The following ANXA13 variants were observed in gnomAD, a reference collection of about 807,000 sequenced individuals.
The protein encoded by ANXA13 is annexin XIII.
Under a neutral mutation model 46.6 loss-of-function variants are expected in ANXA13, and 36 were observed. The ratio of observed to expected loss-of-function variants is 0.77; its 90% confidence interval spans 0.59 to 1.02. The LOEUF is 1.02. ANXA13 is among the 50% of genes least tolerant of loss of function. The pLI is 0.00. For synonymous variants in ANXA13, 163 were observed against 152.9 expected, an observed-to-expected ratio of 1.07 and a Z score of -0.49; for missense variants, 417 against 396.5, an observed-to-expected ratio of 1.05 and a Z score of -0.44.
intron 3 of ANXA13, among the ~76,000 whole-genome samples, chr8:123,700,672 A>G (rs1813428085): frequency 6.6e-6 from 1 of 152,302 alleles, no homozygotes; most frequent in South Asian, 2.1e-4. Context: ...TAAAGACTAA[A>G]GATTAAGAAG....
At chr8:123,733,578 T>C (rs1814168191) in intron 1 of ANXA13, among the ~76,000 whole-genome samples, 1 of 152,244 alleles carries the variant, frequency 6.6e-6, no homozygotes, top group African/African-American at 2.4e-5. Context: ...AGTCATAAAC[T>C]TGGCATGTTC....
At chr8:123,696,870 G>A (rs1039630156) in intron 4 of ANXA13, among the ~76,000 whole-genome samples, 4 of 152,212 alleles carry the variant, frequency 2.6e-5, no homozygotes, top group South Asian at 2.1e-4. Flanking sequence ...AAACTAGGCT[G>A]AGGGAGAAAA....
chr8:123,712,419 G>T, intron 2 of ANXA13: 1 of 518,058 alleles, frequency 1.9e-6, no homozygotes, highest in Non-Finnish European at 3.5e-6. Context: ...CACTTCTCAT[G>T]AAGTTTCTCT....
intron 4 of ANXA13, among the ~76,000 whole-genome samples, 181 bp from the exon 5 acceptor site, chr8:123,695,902 G>A (rs531884277): frequency 5.4e-4 from 72 of 132,184 alleles, no homozygotes; most frequent in Non-Finnish European, 9.8e-4. Flanking sequence ...AGATGTGACG[G>A]CCCGCCCCCC....
chr8:123,695,985 G>T (rs192115718), intron 4 of ANXA13, among the ~76,000 whole-genome samples: 267 of 140,988 alleles, frequency 1.9e-3, no homozygotes, highest in African/African-American at 6.8e-3. Context: ...TTCTTTAAAT[G>T]TGAGAAGTTT....
intron 2 of ANXA13, among the ~76,000 whole-genome samples, chr8:123,704,361 G>A (rs1473876193): frequency 6.6e-6 from 1 of 152,092 alleles, no homozygotes; most frequent in Non-Finnish European, 1.5e-5. Context: ...CTCGGTTCCT[G>A]CATGTACCTG....
chr8:123,700,730 TTC>T (rs929582957), intron 3 of ANXA13, among the ~76,000 whole-genome samples: 7 of 152,042 alleles, frequency 4.6e-5, no homozygotes, highest in Non-Finnish European at 1.0e-4. Context: ...CTCTCTTTCT[TTC>T]TCTCTCTCTT....
intron 3 of ANXA13, among the ~76,000 whole-genome samples, chr8:123,700,691 C>G (rs1279618025): frequency 1.3e-5 from 2 of 152,076 alleles, no homozygotes; most frequent in Non-Finnish European, 2.9e-5. Flanking sequence ...AGCATTGTAT[C>G]CGATTTTTCT....
At chr8:123,682,915 C>T (rs1318860535) in intron 10 of ANXA13, among the ~76,000 whole-genome samples, 5 of 152,162 alleles carry the variant, frequency 3.3e-5, no homozygotes, top group Non-Finnish European at 5.9e-5. Context: ...ACTCCGTGGG[C>T]CATGTCGGAG....
intron 2 of ANXA13, among the ~76,000 whole-genome samples, chr8:123,705,029 C>A (rs1417196264): frequency 6.6e-6 from 1 of 152,208 alleles, no homozygotes. Flanking sequence ...AAACCAAACT[C>A]ATTTTGTCTA....
In ANXA13 at chr8:123,712,741, T is replaced by G; in HGVS notation, c.28A>C (p.Ser10Arg). The change falls in exon 2 of 11, where the codon AGT (serine) becomes CGT (arginine). Residue 10 changes from serine to arginine, a missense_variant. Physicochemically the swap from Ser to Arg is moderately radical, Grantham distance 110. Transcript: ENST00000419625. ...CGATCCACATCAAAACCCTGAGGAC[T>G]GCTCGCTTTAGCCTGGAGAAAATAA... MGNRHAKAS[S>R]PQGFDVDRDA... 6.2e-7 allele frequency: 1 copy of G among 1,614,214 alleles called. No homozygotes were observed. Among genetic ancestry groups the G allele is most frequent in the Non-Finnish European group, 8.5e-7 (1 of 1,180,010 alleles).
intron 3 of ANXA13, among the ~76,000 whole-genome samples, chr8:123,699,375 G>A (rs991278435): frequency 6.6e-6 from 1 of 151,932 alleles, no homozygotes. Context: ...TAGAGATGGG[G>A]TTTTGCCATG....
Position 123,695,505 on chromosome 8 carries a change from C to A in ANXA13, c.468G>T (p.Leu156=), listed in dbSNP as rs376346596. 44 of 1,612,836 alleles carry A rather than the reference C, an allele frequency of 2.7e-5. No individual in the cohort carries two copies. Among genetic ancestry groups the A allele is most frequent in the Non-Finnish European group, 3.4e-5 (40 of 1,178,954 alleles). The change falls in exon 6 of 11, where the codon CTG becomes CTT. Residue 156 remains leucine (L), a synonymous_variant. Coordinates refer to ENST00000419625, the MANE Select transcript of ANXA13 (RefSeq NM_004306.4). ...GGTGACACCTCTTTCCTCTTACCTG[C>A]AGCAGAGACACCAGGATTTTTTTTA... ...GNLKKILVSL[L]QANRNEGDDV...
chr8:123,727,645 G>T (rs915764499), intron 1 of ANXA13: 2 of 38,660 alleles, frequency 5.2e-5, no homozygotes, highest in East Asian at 1.2e-3. Context: ...CCCTCCCCCC[G>T]CCCACACACA....
chr8:123,731,453 A>G (rs1814115398), intron 1 of ANXA13, among the ~76,000 whole-genome samples: 1 of 152,236 alleles, frequency 6.6e-6, no homozygotes, highest in South Asian at 2.1e-4. Context: ...TGATGAATTT[A>G]TCCAAATTTT....
Position 123,684,738 on chromosome 8 carries a change from G to T in ANXA13, c.719-16C>A. 1 of 1,576,784 alleles carries T rather than the reference G, an allele frequency of 6.3e-7. No individual in the cohort carries two copies. The highest frequency in any genetic ancestry group is 8.7e-7 in the Non-Finnish European group (1 of 1,146,150). On this transcript the variant is annotated splice_polypyrimidine_tract_variant and intron_variant, in intron 9 of 10. Coordinates refer to ENST00000419625, the MANE Select transcript of ANXA13 (RefSeq NM_004306.4). Reference sequence around the variant, plus strand: ...GCACATCTCACTGGGCAGGACAAAGGAAAAGAGAATGTGAGGCTTTCACGT... The same window carrying T: ...GCACATCTCACTGGGCAGGACAAAGTAAAAGAGAATGTGAGGCTTTCACGT...
intron 1 of ANXA13, among the ~76,000 whole-genome samples, chr8:123,714,800 G>A (rs1227828606): frequency 1.3e-5 from 2 of 152,234 alleles, no homozygotes; most frequent in African/African-American, 2.4e-5. Flanking sequence ...CACCTGCTGT[G>A]TGCCAGGCAG....
intron 3 of ANXA13, among the ~76,000 whole-genome samples, chr8:123,699,336 T>C (rs187629388): frequency 6.6e-6 from 1 of 152,274 alleles, no homozygotes; most frequent in Admixed American, 6.5e-5. Context: ...CACACTGCCA[T>C]GCTCGGCTAA....
intron 3 of ANXA13, among the ~76,000 whole-genome samples, chr8:123,699,294 C>T (rs1734184898): frequency 6.6e-6 from 1 of 152,186 alleles, no homozygotes; most frequent in African/African-American, 2.4e-5. Context: ...ATCCTCCCAT[C>T]TCAGCCTCCC....
Sources: allele counts gnomAD v4.1 joint callset (sites outside exome capture counted in the v4.1 genomes callset), GRCh38; gene constraint gnomAD v4.1.1; transcripts MANE v1.5; gene names NCBI Gene and HGNC (gene_info 2026-07-23, HGNC 2026-07-21).